ZNRF1: variants seen among roughly 807,000 people sequenced by gnomAD.
The protein encoded by ZNRF1 is E3 ubiquitin-protein ligase ZNRF1.
A neutral mutation model predicts 18.4 loss-of-function variants in ZNRF1; 3 were observed. That is an observed-to-expected ratio of 0.16 (90% CI 0.07 to 0.42). The LOEUF is 0.42. Among genes scored for constraint, ZNRF1 ranks in the 10% least tolerant of loss-of-function variants. ZNRF1 has a pLI of 0.99. For synonymous variants in ZNRF1, 157 were observed against 144.2 expected (o/e 1.09, Z -0.64); for missense variants, 310 against 329.8 (o/e 0.94, Z 0.47).
At chr16:75,044,059 C>T (rs145797929) in intron 1 of ZNRF1, among the ~76,000 whole-genome samples, 452 of 150,992 alleles carry the variant, frequency 3.0e-3, no homozygotes, top group African/African-American at 0.011. Flanking sequence ...GTGATCCACC[C>T]GCCTCAGCCT....
intron 1 of ZNRF1, among the ~76,000 whole-genome samples, chr16:75,036,791 G>A (rs1191950370): frequency 6.6e-6 from 1 of 152,108 alleles, no homozygotes; most frequent in African/African-American, 2.4e-5. Context: ...TTGTATGTAT[G>A]TATTATACAC....
At chr16:75,095,989 A>C (rs997234981) in intron 2 of ZNRF1, among the ~76,000 whole-genome samples, 2 of 151,518 alleles carry the variant, frequency 1.3e-5, no homozygotes, top group African/African-American at 4.9e-5. Flanking sequence ...TTCTGGTTCT[A>C]GTTTTTCCCT....
intron 1 of ZNRF1, among the ~76,000 whole-genome samples, chr16:75,055,651 C>T (rs1054156392): frequency 2.6e-5 from 4 of 152,204 alleles, no homozygotes; most frequent in African/African-American, 9.6e-5. Flanking sequence ...CTCCTTCCTA[C>T]CAGCCTGTGG....
At position 75,081,142 on chromosome 16, in the gene ZNRF1, C is replaced by T. The variant is rs138888510; in HGVS notation, c.425-12430C>T. The stretch of plus-strand genomic sequence containing the variant: ...GAGCCGAGATCACGCCACTGCACTC[C>T]AGCCTGGGGGACAGAGCAAGACTCT... On this transcript the variant is annotated intron_variant, in intron 1 of 4. Transcript: ENST00000335325. Among the ~76,000 whole-genome samples the T allele has an allele frequency of 3.0e-4, 46 of 152,314 alleles. No individual in the cohort carries two copies. The East Asian group carries it at 7.7e-3, about 26-fold the overall frequency.
chr16:75,056,347 G>C (rs141685718), intron 1 of ZNRF1, among the ~76,000 whole-genome samples: 79 of 152,344 alleles, frequency 5.2e-4, no homozygotes, highest in Middle Eastern at 3.4e-3. Flanking sequence ...TATGGTGGAA[G>C]ATTCCATCGT....
chr16:75,050,586 C>T (rs939163421), intron 1 of ZNRF1, among the ~76,000 whole-genome samples: 47 of 151,250 alleles, frequency 3.1e-4, no homozygotes, highest in African/African-American at 1.1e-3. Context: ...ATACTTGTAG[C>T]CGCCGGGCAC....
chr16:75,065,560 A>T (rs533166126), intron 1 of ZNRF1, among the ~76,000 whole-genome samples: 1 of 152,208 alleles, frequency 6.6e-6, no homozygotes, highest in African/African-American at 2.4e-5. Context: ...AAAATGAAAC[A>T]ATATAGAAAG....
At chr16:75,070,328 A>G (rs919300060) in intron 1 of ZNRF1, among the ~76,000 whole-genome samples, 2 of 152,174 alleles carry the variant, frequency 1.3e-5, no homozygotes, top group Non-Finnish European at 2.9e-5. Flanking sequence ...CTGCTCTGCA[A>G]GCTTTTCGAC....
chr16:75,095,007 A>G (rs1487301100), intron 2 of ZNRF1: 2 of 151,900 alleles, frequency 1.3e-5, no homozygotes, highest in Non-Finnish European at 2.9e-5. Flanking sequence ...CAGCCTCCTC[A>G]CTCCCAGAGG....
Position 75,108,721 on chromosome 16 carries a change from G to T in ZNRF1, c.*1021G>T. The T allele has an allele frequency of 2.5e-6, 1 of 393,806 alleles. No individual in the cohort carries two copies. Among genetic ancestry groups the T allele is most frequent in the Non-Finnish European group, 4.5e-6 (1 of 223,570 alleles). The allele number at this position is 393,806 out of a possible 1,614,324, so 24.4% of individuals were successfully genotyped here. On this transcript the variant is annotated 3_prime_UTR_variant, in exon 5 of 5. Transcript: ENST00000335325. ...TGTCTAATAAAAGATGGCACTGCGT[G>T]ATTTTATTTTAATGAAGTGTTATAC...
rs1053819354 is a variant in ZNRF1 at position 74,999,821 on chromosome 16, G to C, written c.150G>C (p.Ser50=). ...GGGCCATGGGGCTGCGCAGCCGCTC[G>C]GTCAGCTCGGTGGCAGGCATGGGCA... ...GGGAMGLRSR[S]VSSVAGMGMD... is the part of the protein sequence containing the mutation. The change falls in exon 1 of 5, where the codon TCG becomes TCC. Residue 50 remains serine, a synonymous_variant. Coordinates refer to ENST00000335325, the MANE Select transcript of ZNRF1 (RefSeq NM_032268.5). The C allele has an allele frequency of 6.9e-6, 10 of 1,451,292 alleles. No homozygotes were observed. 89.9% of individuals were successfully genotyped at this position (1,451,292 alleles called of 1,614,324 possible).
chr16:75,086,216 T>G (rs1398700966), intron 1 of ZNRF1, among the ~76,000 whole-genome samples: 1 of 152,186 alleles, frequency 6.6e-6, no homozygotes, highest in Non-Finnish European at 1.5e-5. Context: ...AAAAATAATG[T>G]TGAGCCAAAT....
At chr16:75,059,976 G>C (rs2035721477) in intron 1 of ZNRF1, among the ~76,000 whole-genome samples, 1 of 152,116 alleles carries the variant, frequency 6.6e-6, no homozygotes, top group Non-Finnish European at 1.5e-5. Flanking sequence ...TACAGCCCAG[G>C]ATATTAGGAG....
At chr16:75,085,420 A>G (rs765452773) in intron 1 of ZNRF1, among the ~76,000 whole-genome samples, 27 of 152,328 alleles carry the variant, frequency 1.8e-4, no homozygotes, top group Admixed American at 7.8e-4. Context: ...CACAGTTTCT[A>G]TATCCATTCT....
At position 75,005,842 on chromosome 16, in the gene ZNRF1, G is replaced by A. The variant is rs140748205; in HGVS notation, c.424+5747G>A. Among the ~76,000 whole-genome samples, 1,491 of 152,244 alleles carry A rather than the reference G, an allele frequency of 9.8e-3. 78 individuals carry two copies. Among genetic ancestry groups the A allele is most frequent in the Admixed American group, 0.072 (1,102 of 15,288 alleles). On this transcript the variant is annotated intron_variant, in intron 1 of 4. Coordinates refer to ENST00000335325, the MANE Select transcript of ZNRF1 (RefSeq NM_032268.5). ...TACAGTCATGCATTGCTTAATGACA[G>A]GGATACTTTCTGAGAAATGGGTCAT... is the stretch of plus-strand genomic sequence containing the variant.
chr16:75,011,068 C>T (rs141725140), intron 1 of ZNRF1, among the ~76,000 whole-genome samples: 30 of 152,304 alleles, frequency 2.0e-4, no homozygotes, highest in African/African-American at 5.8e-4. Flanking sequence ...TCACAGGCCT[C>T]ATCTGACGTG....
chr16:75,031,357 C>A (rs1296013355), intron 1 of ZNRF1, among the ~76,000 whole-genome samples: 1 of 152,006 alleles, frequency 6.6e-6, no homozygotes, highest in Admixed American at 6.6e-5. Flanking sequence ...GTCTCTATCT[C>A]CCGACCTCGT....
At chr16:75,104,684 G>C in intron 2 of ZNRF1, 100 bp from the exon 3 acceptor site, 3 of 1,012,246 alleles carry the variant, frequency 3.0e-6, no homozygotes, top group Middle Eastern at 3.1e-4. Flanking sequence ...CACAGCTTGG[G>C]GCAGCTAAGC....
At chr16:75,056,356 G>A (rs989257102) in intron 1 of ZNRF1, among the ~76,000 whole-genome samples, 2 of 152,178 alleles carry the variant, frequency 1.3e-5, no homozygotes, top group African/African-American at 4.8e-5. Flanking sequence ...AGATTCCATC[G>A]TTTTCAATGA....
Sources: allele counts gnomAD v4.1 joint callset (sites outside exome capture counted in the v4.1 genomes callset), GRCh38; gene constraint gnomAD v4.1.1; transcripts MANE v1.5; gene names NCBI Gene and HGNC (gene_info 2026-07-23, HGNC 2026-07-21).